Variants in DGKI observed in about 807,000 individuals in gnomAD.
DGKI encodes DAG kinase iota.
Under a neutral mutation model 147.5 loss-of-function variants are expected in DGKI, and 55 were observed. That is an observed-to-expected ratio of 0.37 (90% CI 0.30 to 0.47). The LOEUF is 0.47. Among genes scored for constraint, DGKI ranks in the 20% least tolerant of loss-of-function variants. The probability of loss-of-function intolerance (pLI) is 1.00; values close to 1 mark genes in which losing one functional copy is unlikely to be tolerated. For synonymous variants in DGKI, 469 were observed against 477.1 expected (o/e 0.98, Z 0.22); for missense variants, 1,007 against 1,323.8 (o/e 0.76, Z 3.71).
chr7:137,837,374 T>C (rs1378087254), intron 1 of DGKI, among the ~76,000 whole-genome samples: 1 of 152,198 alleles, frequency 6.6e-6, no homozygotes, highest in East Asian at 1.9e-4. Context: ...AGTGCATGGA[T>C]TGCCTTTGCT....
intron 3 of DGKI, among the ~76,000 whole-genome samples, chr7:137,668,684 AAGTATGATAGCT>A (rs761887840): frequency 6.6e-6 from 1 of 152,202 alleles, no homozygotes; most frequent in Non-Finnish European, 1.5e-5. Context: ...CAATTTTTAA[AAGTATGATAGCT>A]AGTAAGTGGT....
At chr7:137,503,354 T>C (rs1345132657) in intron 21 of DGKI, among the ~76,000 whole-genome samples, 1 of 152,204 alleles carries the variant, frequency 6.6e-6, no homozygotes, top group African/African-American at 2.4e-5. Context: ...GTGACTTGTT[T>C]TGCTATTAAA....
Position 137,571,271 on chromosome 7 carries a change from T to C in DGKI, c.1851A>G (p.Thr617=), listed in dbSNP as rs1448433459. 1.4e-5 allele frequency: 22 copies of C among 1,612,210 alleles called. No homozygotes were observed. The highest frequency in any genetic ancestry group is 1.9e-5 in the Non-Finnish European group (22 of 1,179,494). The change falls in exon 19 of 33, where the codon ACA becomes ACG. Residue 617 remains threonine (T), a synonymous_variant. Coordinates refer to ENST00000614521, the MANE Select transcript of DGKI (RefSeq NM_001321708.2). ...FLNIPRYCAG[T]MPWGNPGDHH... is the part of the protein sequence containing the mutation. ...GATCACCTGGGTTTCCCCAGGGCAT[T>C]GTGCCAGCACAATATCTGCAAGAGA...
At chr7:137,638,640 ATGTGTATG>A (rs1249799721) in intron 6 of DGKI, among the ~76,000 whole-genome samples, 1 of 40,292 alleles carries the variant, frequency 2.5e-5, no homozygotes, top group African/African-American at 1.4e-4. Context: ...GTGTGTATAT[ATGTGTATG>A]TATATACACA....
At chr7:137,519,010 CAACT>C (rs1816872741) in intron 21 of DGKI, among the ~76,000 whole-genome samples, 1 of 151,960 alleles carries the variant, frequency 6.6e-6, no homozygotes, top group Non-Finnish European at 1.5e-5. Context: ...TTGCAAACCA[CAACT>C]ATTATCTGAG....
At chr7:137,825,715 CAT>C (rs1353375581) in intron 1 of DGKI, among the ~76,000 whole-genome samples, 25 of 151,708 alleles carry the variant, frequency 1.6e-4, no homozygotes, top group African/African-American at 5.8e-4. Context: ...CACTCACACA[CAT>C]ACACACACAC....
intron 12 of DGKI, among the ~76,000 whole-genome samples, chr7:137,591,840 T>G (rs1290445390): frequency 6.6e-6 from 1 of 152,168 alleles, no homozygotes; most frequent in Non-Finnish European, 1.5e-5. Flanking sequence ...AGAAGAAAAA[T>G]GCCCTCTTCC....
At chr7:137,469,658 A>G in intron 23 of DGKI, 39 bp from the exon 24 acceptor site, 3 of 1,588,394 alleles carry the variant, frequency 1.9e-6, no homozygotes, top group Non-Finnish European at 2.6e-6. Context: ...CTGCATTTCA[A>G]TAACCTGATG....
In DGKI at chr7:137,415,475, G is replaced by A. The variant is rs75588520; in HGVS notation, c.2762-3268C>T. ...CATCTGTAGATTTTGGTATCTGCAAGGGGTCCTGGAACTAATCCCCCACAG... is the reference window on the plus strand; with the variant it reads ...CATCTGTAGATTTTGGTATCTGCAAAGGGTCCTGGAACTAATCCCCCACAG... On this transcript the variant is annotated intron_variant, in intron 28 of 32. Transcript: ENST00000614521. Among the ~76,000 whole-genome samples, 11 of 152,262 alleles carry A rather than the reference G, an allele frequency of 7.2e-5. No homozygotes were observed. The East Asian group carries it at 2.1e-3, about 29-fold the overall frequency.
chr7:137,555,666 C>T (rs994588573), intron 19 of DGKI, among the ~76,000 whole-genome samples: 6 of 151,810 alleles, frequency 4.0e-5, no homozygotes, highest in South Asian at 2.1e-4. Context: ...ATATAACTTA[C>T]GAAGTTTGGT....
At chr7:137,480,728 G>A (rs1815342825) in intron 23 of DGKI, among the ~76,000 whole-genome samples, 1 of 152,000 alleles carries the variant, frequency 6.6e-6, no homozygotes, top group South Asian at 2.1e-4. Flanking sequence ...TTAATTCTTA[G>A]AGAAAGTAAT....
chr7:137,745,461 T>G (rs1795297280), intron 1 of DGKI, among the ~76,000 whole-genome samples: 1 of 152,126 alleles, frequency 6.6e-6, no homozygotes, highest in African/African-American at 2.4e-5. Flanking sequence ...AAACAGCAAG[T>G]TTTCAATTAT....
intron 23 of DGKI, among the ~76,000 whole-genome samples, chr7:137,474,445 A>T (rs772615484): frequency 1.3e-5 from 2 of 152,230 alleles, no homozygotes; most frequent in Non-Finnish European, 2.9e-5. Context: ...GGTACGAAGC[A>T]TAAATGGGTG....
At position 137,609,369 on chromosome 7, in the gene DGKI, T is replaced by C. The variant is rs555843119; in HGVS notation, c.1068+166A>G. Among the ~76,000 whole-genome samples the C allele has an allele frequency of 4.9e-4, 74 of 152,260 alleles. 3 individuals are homozygous for C. The South Asian group carries it at 0.012, about 24-fold the overall frequency. On this transcript the variant is annotated intron_variant, in intron 9 of 32. Coordinates refer to ENST00000614521, the MANE Select transcript of DGKI (RefSeq NM_001321708.2). ...CGCAGAGGTTAGTTTTGAGTGTTTG[T>C]TTTTTTAAAAGAACAGAAAGAATCC...
At chr7:137,679,790 C>A (rs545418719) in intron 2 of DGKI, among the ~76,000 whole-genome samples, 1 of 151,924 alleles carries the variant, frequency 6.6e-6, no homozygotes, top group South Asian at 2.1e-4. Context: ...GAGTTTGAGA[C>A]CAGCCTGGCC....
chr7:137,587,513 G>C (rs1239669849), intron 12 of DGKI, among the ~76,000 whole-genome samples: 1 of 152,154 alleles, frequency 6.6e-6, no homozygotes, highest in Admixed American at 6.5e-5. Context: ...GACTTTGGTA[G>C]TATAACAGGG....
chr7:137,394,974 C>T (rs534051498), intron 32 of DGKI, among the ~76,000 whole-genome samples: 2 of 152,104 alleles, frequency 1.3e-5, no homozygotes, highest in South Asian at 4.1e-4. Context: ...GCTTTTAGCT[C>T]CTATACCTAT....
At chr7:137,707,388 A>T (rs1224325448) in intron 1 of DGKI, among the ~76,000 whole-genome samples, 1 of 152,208 alleles carries the variant, frequency 6.6e-6, no homozygotes, top group Non-Finnish European at 1.5e-5. Context: ...AGTGCGCTCC[A>T]TTGACCCACA....
At chr7:137,581,789 C>A in intron 15 of DGKI, 61 bp downstream of exon 15, 3 of 1,400,836 alleles carry the variant, frequency 2.1e-6, no homozygotes, top group East Asian at 4.6e-5. Context: ...CAAAAGGGAA[C>A]ATGCAAAACA....
Sources: gnomAD v4.1 joint callset for allele counts (sites outside exome capture counted in the v4.1 genomes callset) on GRCh38, gnomAD v4.1.1 for gene constraint, MANE v1.5 for transcripts, NCBI Gene and HGNC (gene_info 2026-07-23, HGNC 2026-07-21) for gene names.